Variants in HNRNPDL observed in about 807,000 individuals in gnomAD.
HNRNPDL encodes the protein heterogeneous nuclear ribonucleoprotein D like.
HNRNPDL carries 18 observed loss-of-function variants against 48.0 expected under a neutral mutation model. The observed-to-expected ratio is 0.38, with a 90% CI of 0.26 to 0.56. The LOEUF (loss-of-function observed/expected upper bound fraction) is 0.56. Among genes scored for constraint, HNRNPDL ranks in the 20% least tolerant of loss-of-function variants. The probability of loss-of-function intolerance (pLI) is 0.77; values close to 1 mark genes in which losing one functional copy is unlikely to be tolerated. For missense variants in HNRNPDL, 553 were observed against 540.7 expected (o/e 1.02, Z -0.23); for synonymous variants, 306 against 207.3 (o/e 1.48, Z -4.09).
intron 6 of HNRNPDL, 88 bp downstream of exon 6, chr4:82,426,375 G>T: frequency 8.4e-7 from 1 of 1,193,294 alleles, no homozygotes; most frequent in Non-Finnish European, 1.2e-6. Context: ...TTAATGGAAA[G>T]CCCATACACA....
intron 1 of HNRNPDL, 45 bp from the exon 2 acceptor site, chr4:82,428,491 T>A: frequency 6.9e-7 from 1 of 1,441,066 alleles, no homozygotes; most frequent in Non-Finnish European, 9.6e-7. Flanking sequence ...ATAACTCAAA[T>A]GATCCTTCAG....
In HNRNPDL at chr4:82,428,266, CAT is replaced by C. The variant is rs1225636648; in HGVS notation, c.612+10_612+11del. On this transcript the variant is annotated intron_variant, in intron 2 of 7. Transcript: ENST00000295470. The stretch of plus-strand genomic sequence containing the variant: ...ACCACAAAAGCAGCACAATGCAAAA[CAT>C]AGTTCCTACCTTATCAACACTAGCA... 1.2e-6 allele frequency: 2 copies of C among 1,610,372 alleles called. No individual in the cohort carries two copies. The highest frequency in any genetic ancestry group is 2.2e-5 in the South Asian group (2 of 90,900).
chr4:82,427,407 C>G, intron 4 of HNRNPDL, 26 bp downstream of exon 4: 1 of 1,560,270 alleles, frequency 6.4e-7, no homozygotes, highest in Admixed American at 2.1e-5. Flanking sequence ...TTTAAATTTT[C>G]ATTTAAAGTG....
Position 82,427,734 on chromosome 4 carries a change from T to C in HNRNPDL, c.775-170A>G, listed in dbSNP as rs115395197. On this transcript the variant is annotated intron_variant, in intron 3 of 7. Transcript: ENST00000295470. The stretch of plus-strand genomic sequence containing the variant: ...CATCAGCCTACAGTGATTTGTTGTA[T>C]ATTTGAAGCATTGAGAGAAATTAAT... Among the ~76,000 whole-genome samples, 945 of 152,358 alleles carry C rather than the reference T, an allele frequency of 6.2e-3. 12 individuals are homozygous for C. Among genetic ancestry groups the C allele is most frequent in the African/African-American group, 0.021 (876 of 41,582 alleles).
chr4:82,428,068 G>A lies in HNRNPDL; in HGVS notation c.724C>T (p.Pro242Ser). Residue 242 changes from proline (P) to serine (S), a missense_variant, in exon 3 of 8, where the codon CCG becomes TCG. Physicochemically the swap from Pro to Ser is moderately conservative, Grantham distance 74. Coordinates refer to ENST00000295470, the MANE Select transcript of HNRNPDL (RefSeq NM_031372.4). ...TTAATTTGTTCTTCAGAAGTATCCG[G>A]GCTCAATCCACCCACAAAAACCTTT... ...PKKVFVGGLS[P>S]DTSEEQIKEY... 6.2e-7 allele frequency: 1 copy of A among 1,614,048 alleles called. No homozygotes were observed. The highest frequency in any genetic ancestry group is 8.5e-7 in the Non-Finnish European group (1 of 1,179,974).
In HNRNPDL at chr4:82,423,017, T is replaced by C. The variant is rs1721249356; in HGVS notation, c.*1889A>G. ...GAGTATCTGTTCAAATTTGCATCAG[T>C]TGGTGAACTGATAGACCCTGAAATC... On this transcript the variant is annotated 3_prime_UTR_variant, in exon 8 of 8. Transcript: ENST00000295470. 1 of 152,216 alleles carries C rather than the reference T, an allele frequency of 6.6e-6. No individual in the cohort carries two copies. The highest frequency in any genetic ancestry group is 1.5e-5 in the Non-Finnish European group (1 of 68,044). The allele number at this position is 152,216 out of a possible 1,614,324, so 9.4% of individuals were successfully genotyped here.
rs924977705 is a variant in HNRNPDL at position 82,424,383 on chromosome 4, C to T, written c.*523G>A. On this transcript the variant is annotated 3_prime_UTR_variant, in exon 8 of 8. Transcript: ENST00000295470. ...TCCTTTCAGGACAGTCTTCAGATAA[C>T]CAGAAGGGAAAGAACATTGTTCAAA... The T allele has an allele frequency of 2.6e-5, 4 of 152,566 alleles. No individual in the cohort carries two copies. Among genetic ancestry groups the T allele is most frequent in the African/African-American group, 9.7e-5 (4 of 41,440 alleles). 9.5% of individuals were successfully genotyped at this position (152,566 alleles called of 1,614,324 possible).
rs1031035597 is a variant in HNRNPDL at position 82,429,159 on chromosome 4, A to C, written c.443+89T>G. 2.4e-6 allele frequency: 3 copies of C among 1,239,962 alleles called. No individual in the cohort carries two copies. The African/African-American group carries it at 4.4e-5, about 18-fold the overall frequency. 76.8% of individuals were successfully genotyped at this position (1,239,962 alleles called of 1,614,324 possible). A position where few individuals can be genotyped will look rare whatever the true frequency, so the allele number is the denominator to read the frequency against. On this transcript the variant is annotated intron_variant, in intron 1 of 7. Coordinates refer to ENST00000295470, the MANE Select transcript of HNRNPDL (RefSeq NM_031372.4). ...GGCACGCGGGGAATCGACTCTGAGA[A>C]AGAATGGGGGCAGCGCGCGGCTCAC...
Position 82,429,645 on chromosome 4 carries a change from G to T in HNRNPDL, c.46C>A (p.Pro16Thr). 7.3e-7 allele frequency: 1 copy of T among 1,368,566 alleles called. No homozygotes were observed. Among genetic ancestry groups the T allele is most frequent in the East Asian group, 3.0e-5 (1 of 33,064 alleles). 84.8% of individuals were successfully genotyped at this position (1,368,566 alleles called of 1,614,324 possible). A position where few individuals can be genotyped will look rare whatever the true frequency, so the allele number is the denominator to read the frequency against. ...RLSHVPPPLFPSAPATLASRS... is the reference protein window; with the variant it reads ...RLSHVPPPLFTSAPATLASRS... The stretch of plus-strand genomic sequence containing the variant: ...GAGGCTAAAGTAGCGGGAGCGGAGG[G>T]GAACAATGGCGGCGGCACATGGGAA... Residue 16 changes from proline to threonine, a missense_variant, in exon 1 of 8, where the codon CCC becomes ACC. By Grantham distance (38) the Pro-to-Thr change is conservative. This residue lies in a region of HNRNPDL where 327 missense variants were observed against 203.2 expected (regional missense o/e 1.61). Transcript: ENST00000295470.
rs926809425 is a variant in HNRNPDL, at chr4:82,424,641, C to T, written c.*265G>A. The T allele has an allele frequency of 6.6e-6, 1 of 152,624 alleles. No homozygotes were observed. The highest frequency in any genetic ancestry group is 1.5e-5 in the Non-Finnish European group (1 of 68,040). The allele number at this position is 152,624 out of a possible 1,614,324, so 9.5% of individuals were successfully genotyped here. Reference sequence around the variant, plus strand: ...GCAGAAAAGCAATCACATAAGGAAGCATTTATTTGAGGTTTAACATGAAAT... The same window carrying T: ...GCAGAAAAGCAATCACATAAGGAAGTATTTATTTGAGGTTTAACATGAAAT... On this transcript the variant is annotated 3_prime_UTR_variant, in exon 8 of 8. Transcript: ENST00000295470.
chr4:82,428,568 T>A (rs558245891), intron 1 of HNRNPDL, 122 bp from the exon 2 acceptor site: 1 of 761,372 alleles, frequency 1.3e-6, no homozygotes, highest in East Asian at 2.7e-5. Flanking sequence ...ATTTAATTCA[T>A]GTTTACATTT....
chr4:82,423,814 C>CT lies in HNRNPDL; in HGVS notation c.*1091dup, dbSNP rs968220897. Reference sequence around the variant, plus strand: ...AATGACTTAGTCACATTTGTAATGACTTTGTCATAACCAAGATACCTTTTC... The same window carrying CT: ...AATGACTTAGTCACATTTGTAATGACTTTTGTCATAACCAAGATACCTTTTC... On this transcript the variant is annotated 3_prime_UTR_variant, in exon 8 of 8. Coordinates refer to ENST00000295470, the MANE Select transcript of HNRNPDL (RefSeq NM_031372.4). The CT allele has an allele frequency of 1.5e-5, 2 of 133,974 alleles. No homozygotes were observed. The highest frequency in any genetic ancestry group is 3.4e-5 in the Non-Finnish European group (2 of 59,030). The allele number at this position is 133,974 out of a possible 1,614,324, so 8.3% of individuals were successfully genotyped here. A position where few individuals can be genotyped will look rare whatever the true frequency, so the allele number is the denominator to read the frequency against.
rs1578083361 is a variant in HNRNPDL at position 82,426,530 on chromosome 4, G to A, written c.1125C>T (p.Gly375=). ...YGGDQNYSGY[G]GYDYTGYNYG... ...AGTTATACCCAGTATAATCATATCCGCCATAGCCACTATAGTTTTGATCAC... is the reference window on the plus strand; with the variant it reads ...AGTTATACCCAGTATAATCATATCCACCATAGCCACTATAGTTTTGATCAC... The change falls in exon 6 of 8, where the codon GGC becomes GGT. Residue 375 remains glycine (G), a synonymous_variant. Coordinates refer to ENST00000295470, the MANE Select transcript of HNRNPDL (RefSeq NM_031372.4). 2 of 1,612,038 alleles carry A rather than the reference G, an allele frequency of 1.2e-6. No homozygotes were observed. Among genetic ancestry groups the A allele is most frequent in the African/African-American group, 2.7e-5 (2 of 74,934 alleles).
Position 82,428,199 on chromosome 4 carries a change from A to C in HNRNPDL, c.613-20T>G. The C allele has an allele frequency of 1.9e-6, 3 of 1,612,692 alleles. No homozygotes were observed. The highest frequency in any genetic ancestry group is 2.2e-5 in the East Asian group (1 of 44,850). On this transcript the variant is annotated intron_variant, in intron 2 of 7. Coordinates refer to ENST00000295470, the MANE Select transcript of HNRNPDL (RefSeq NM_031372.4). The stretch of plus-strand genomic sequence containing the variant: ...CAAAACCTACAAGACAGATTTATTT[A>C]ATCTGACAGCACCATATAACCCCCA...
rs770762621 is a variant in HNRNPDL at position 82,429,339 on chromosome 4, C to T, written c.352G>A (p.Val118Ile). ...ARQHPPADSS[V>I]TMEDMNEYSN... is the part of the protein sequence containing the mutation. ...TACTCGTTCATATCCTCCATAGTGA[C>T]GGAGCTGTCGGCAGGGGGGTGCTGG... The change falls in exon 1 of 8, where the codon GTC (valine) becomes ATC (isoleucine). Residue 118 changes from valine to isoleucine, a missense_variant. Transcript: ENST00000295470. 6 of 1,613,856 alleles carry T rather than the reference C, an allele frequency of 3.7e-6. No homozygotes were observed. Among genetic ancestry groups the T allele is most frequent in the Non-Finnish European group, 5.1e-6 (6 of 1,179,890 alleles).
At chr4:82,428,865 C>A (rs1263064629) in intron 1 of HNRNPDL, among the ~76,000 whole-genome samples, 1 of 152,222 alleles carries the variant, frequency 6.6e-6, no homozygotes, top group East Asian at 1.9e-4. Context: ...CTGCTTGTGC[C>A]CCAACTCAGT....
At position 82,428,373 on chromosome 4, in the gene HNRNPDL, C is replaced by T. The variant is rs1175117503; in HGVS notation, c.517G>A (p.Glu173Lys). ...DLTEYLSRFG[E>K]VVDCTIKTDP... is the part of the protein sequence containing the mutation. ...GTTTTAATTGTGCAGTCTACAACTT[C>T]CCCAAATCGAGACAAGTACTCTGTC... The change falls in exon 2 of 8, where the codon GAA becomes AAA. Residue 173 changes from glutamate to lysine, a missense_variant. Physicochemically the swap from Glu to Lys is moderately conservative, Grantham distance 56. Transcript: ENST00000295470. 3 of 1,613,768 alleles carry T rather than the reference C, an allele frequency of 1.9e-6. No homozygotes were observed. The highest frequency in any genetic ancestry group is 2.5e-6 in the Non-Finnish European group (3 of 1,179,676).
chr4:82,427,884 G>A (rs1385422621), intron 3 of HNRNPDL, 134 bp downstream of exon 3: 3 of 873,496 alleles, frequency 3.4e-6, no homozygotes, highest in Non-Finnish European at 5.2e-6. Flanking sequence ...TCAAGGTACA[G>A]TCACTGGAAG....
intron 4 of HNRNPDL, 22 bp from the exon 5 acceptor site, chr4:82,427,326 G>A (rs765640758): frequency 6.5e-7 from 1 of 1,546,786 alleles, no homozygotes; most frequent in Non-Finnish European, 8.7e-7. Flanking sequence ...AAACATGAAA[G>A]TATAATTTTT....
Sources: allele counts gnomAD v4.1 joint callset (sites outside exome capture counted in the v4.1 genomes callset), GRCh38; gene constraint gnomAD v4.1.1; regional missense constraint gnomAD v4.1.1; transcripts MANE v1.5; gene names NCBI Gene and HGNC (gene_info 2026-07-23, HGNC 2026-07-21).